LMBR1: variants seen among roughly 807,000 people sequenced by gnomAD.
LMBR1 encodes limb region 1 protein homolog.
In LMBR1, 52 loss-of-function variants were observed where a neutral mutation model predicts 73.9. The ratio of observed to expected loss-of-function variants is 0.70; its 90% CI spans 0.56 to 0.89. The LOEUF (loss-of-function observed/expected upper bound fraction) is 0.89. LMBR1 is among the 40% of genes least tolerant of loss of function. LMBR1 has a pLI of 0.00. For missense variants in LMBR1, 539 were observed against 579.8 expected (o/e 0.93, Z 0.72); for synonymous variants, 215 against 209.4 (o/e 1.03, Z -0.23).
At chr7:156,693,600 T>A (rs1807680871) in intron 15 of LMBR1, among the ~76,000 whole-genome samples, 1 of 152,048 alleles carries the variant, frequency 6.6e-6, no homozygotes, top group Non-Finnish European at 1.5e-5. Context: ...TTAGAAGAAA[T>A]AGAAAACCTG....
intron 1 of LMBR1, among the ~76,000 whole-genome samples, chr7:156,847,204 ATGGTGC>A (rs1369455384): frequency 3.9e-5 from 6 of 152,204 alleles, no homozygotes; most frequent in Non-Finnish European, 8.8e-5. Flanking sequence ...TTTTCAACAA[ATGGTGC>A]TGAAACAACT....
rs17837686 is a variant in LMBR1 at position 156,681,989 on chromosome 7, C to T, written c.*2089G>A. The T allele has an allele frequency of 0.13, 20,017 of 152,270 alleles. 1,666 individuals are homozygous for T. Among genetic ancestry groups the T allele is most frequent in the African/African-American group, 0.24 (9,774 of 41,514 alleles). The allele number at this position is 152,270 out of a possible 1,614,324, so 9.4% of individuals were successfully genotyped here. On this transcript the variant is annotated 3_prime_UTR_variant, in exon 17 of 17. Transcript: ENST00000353442. ...GTGCTCAGGAAGAGCCTCGAGGAACCGTGATTACGCAGCAGCCCAAGGCTG... is the reference window on the plus strand; with the variant it reads ...GTGCTCAGGAAGAGCCTCGAGGAACTGTGATTACGCAGCAGCCCAAGGCTG...
intron 9 of LMBR1, among the ~76,000 whole-genome samples, chr7:156,735,669 T>C (rs192368244): frequency 6.6e-6 from 1 of 151,972 alleles, no homozygotes; most frequent in East Asian, 1.9e-4. Flanking sequence ...TCCTTATGAA[T>C]CATATATTTT....
intron 1 of LMBR1, among the ~76,000 whole-genome samples, chr7:156,846,574 G>A (rs1053424585): frequency 3.9e-5 from 6 of 152,130 alleles, no homozygotes; most frequent in Non-Finnish European, 8.8e-5. Context: ...GCATGTTCAT[G>A]TATAGGAAGA....
At chr7:156,879,513 A>T (rs1038174160) in intron 1 of LMBR1, among the ~76,000 whole-genome samples, 6 of 151,990 alleles carry the variant, frequency 3.9e-5, no homozygotes, top group African/African-American at 1.5e-4. Context: ...AAACACAAAA[A>T]ATTAGCCAGG....
chr7:156,854,937 GC>G (rs1586250490), intron 1 of LMBR1, among the ~76,000 whole-genome samples: 2 of 152,200 alleles, frequency 1.3e-5, no homozygotes, highest in East Asian at 3.8e-4. Flanking sequence ...CAAACAGTAA[GC>G]AGCCTAACTC....
At chr7:156,689,839 A>C (rs1806788692) in intron 15 of LMBR1, among the ~76,000 whole-genome samples, 1 of 152,198 alleles carries the variant, frequency 6.6e-6, no homozygotes, top group Admixed American at 6.5e-5. Flanking sequence ...TACATATCTA[A>C]TTATAAGTTT....
chr7:156,806,785 T>A (rs1460425631), intron 4 of LMBR1, among the ~76,000 whole-genome samples: 4 of 151,966 alleles, frequency 2.6e-5, no homozygotes, highest in Non-Finnish European at 5.9e-5. Context: ...TTAAGTTTTA[T>A]ATTTTTAGTA....
At chr7:156,877,805 C>T (rs1800420600) in intron 1 of LMBR1, among the ~76,000 whole-genome samples, 1 of 151,556 alleles carries the variant, frequency 6.6e-6, no homozygotes, top group East Asian at 1.9e-4. Context: ...ATGGCGTGAA[C>T]CCGGGAGGCG....
chr7:156,781,082 T>C (rs1009012191), intron 5 of LMBR1, among the ~76,000 whole-genome samples: 1 of 152,142 alleles, frequency 6.6e-6, no homozygotes, highest in African/African-American at 2.4e-5. Context: ...TTAGCCAATA[T>C]CCACTTTCAT....
At chr7:156,882,309 G>A (rs942743385) in intron 1 of LMBR1, among the ~76,000 whole-genome samples, 1 of 152,182 alleles carries the variant, frequency 6.6e-6, no homozygotes, top group Non-Finnish European at 1.5e-5. Context: ...GCCAGGCATG[G>A]CAGTGGGTGC....
chr7:156,801,622 C>T (rs1260595227), intron 4 of LMBR1, among the ~76,000 whole-genome samples: 1 of 152,162 alleles, frequency 6.6e-6, no homozygotes, highest in East Asian at 1.9e-4. Flanking sequence ...GCCTTGACTT[C>T]CCAGACTCAG....
chr7:156,827,193 A>G lies in LMBR1; in HGVS notation c.180-449T>C, dbSNP rs1256436320. 2.0e-5 allele frequency among the ~76,000 whole-genome samples: 3 copies of G among 152,296 alleles called. No individual in the cohort carries two copies. The East Asian group carries it at 5.8e-4, about 29-fold the overall frequency. ...CAAATTAATTTAAAATGTTTATTTC[A>G]GAGGAAAAAAAACTTAGAAAGCCAT... On this transcript the variant is annotated intron_variant, in intron 3 of 16. Coordinates refer to ENST00000353442, the MANE Select transcript of LMBR1 (RefSeq NM_022458.4).
rs534275086 is a variant in LMBR1 at position 156,862,370 on chromosome 7, G to A, written c.67-25485C>T. Among the ~76,000 whole-genome samples the A allele has an allele frequency of 3.4e-4, 52 of 152,114 alleles. No individual in the cohort carries two copies. In the South Asian group the frequency reaches 4.2e-3, roughly 12 times the overall value. On this transcript the variant is annotated intron_variant, in intron 1 of 16. Coordinates refer to ENST00000353442, the MANE Select transcript of LMBR1 (RefSeq NM_022458.4). The stretch of plus-strand genomic sequence containing the variant: ...TTACCTCCCAGTGGGTCCCTCCCAC[G>A]ACACATGAGAATTGTAGGAGCTACA...
chr7:156,871,033 G>A (rs1799208345), intron 1 of LMBR1, among the ~76,000 whole-genome samples: 1 of 151,694 alleles, frequency 6.6e-6, no homozygotes, highest in South Asian at 2.1e-4. Context: ...TTGGTTTTTT[G>A]AAAAGATTTA....
chr7:156,773,877 C>T (rs1825653878), intron 5 of LMBR1, among the ~76,000 whole-genome samples: 1 of 135,074 alleles, frequency 7.4e-6, no homozygotes, highest in Non-Finnish European at 1.6e-5. Flanking sequence ...TAAACAGCTT[C>T]TGCACAGCAA....
At chr7:156,874,368 T>C (rs1799835068) in intron 1 of LMBR1, among the ~76,000 whole-genome samples, 1 of 151,952 alleles carries the variant, frequency 6.6e-6, no homozygotes, top group Non-Finnish European at 1.5e-5. Flanking sequence ...CAGCCCCGGC[T>C]CCCGCTCGTG....
intron 1 of LMBR1, among the ~76,000 whole-genome samples, chr7:156,842,428 A>ATC (rs1838884227): frequency 7.1e-6 from 1 of 140,520 alleles, no homozygotes. Context: ...TTAAGGAATA[A>ATC]CACGTTTTAA....
intron 15 of LMBR1, among the ~76,000 whole-genome samples, chr7:156,696,163 T>C (rs747021909): frequency 2.0e-5 from 3 of 152,210 alleles, no homozygotes; most frequent in Admixed American, 6.5e-5. Flanking sequence ...AAAGATTTAG[T>C]AGATTATGAC....
Sources: gnomAD v4.1 joint callset for allele counts (sites outside exome capture counted in the v4.1 genomes callset) on GRCh38, gnomAD v4.1.1 for gene constraint, MANE v1.5 for transcripts, NCBI Gene and HGNC (gene_info 2026-07-23, HGNC 2026-07-21) for gene names.